Variants in CRB1 observed in about 807,000 individuals in gnomAD.
CRB1 encodes the protein protein crumbs homolog 1.
Under a neutral mutation model 120.0 loss-of-function variants are expected in CRB1, and 83 were observed. The ratio of observed to expected loss-of-function variants is 0.69; its 90% CI spans 0.58 to 0.83. The LOEUF is 0.83. Ranked by LOEUF, CRB1 falls within the 40% of genes least tolerant of loss-of-function variation. CRB1 has a pLI of 0.00. For synonymous variants in CRB1, 625 were observed against 612.5 expected (o/e 1.02, Z -0.30); for missense variants, 1,699 against 1,687.6 (o/e 1.01, Z -0.12).
At chr1:197,379,340 C>T (rs1661815546) in intron 5 of CRB1, among the ~76,000 whole-genome samples, 1 of 151,618 alleles carries the variant, frequency 6.6e-6, no homozygotes, top group Non-Finnish European at 1.5e-5. Context: ...CGCTTTGTCG[C>T]CCAGGCTGGA....
chr1:197,258,375 C>A, the CRB1 span, among the ~76,000 whole-genome samples: 1 of 152,116 alleles, frequency 6.6e-6, no homozygotes, highest in Non-Finnish European at 1.5e-5. Context: ...TTCTGCACAA[C>A]CCATCTTTTG....
chr1:197,354,021 A>T (rs1482109213), intron 4 of CRB1, among the ~76,000 whole-genome samples: 1 of 121,296 alleles, frequency 8.2e-6, no homozygotes, highest in Non-Finnish European at 1.8e-5. Flanking sequence ...ATGAAATGGT[A>T]AAAAAAAAAA....
At chr1:197,297,458 C>T (rs1359783390) in intron 1 of CRB1, among the ~76,000 whole-genome samples, 1 of 152,044 alleles carries the variant, frequency 6.6e-6, no homozygotes, top group African/African-American at 2.4e-5. Context: ...CTTCCATCAA[C>T]TTTCTAGCTG....
At chr1:197,457,472 A>C (rs933276815) in intron 11 of CRB1, among the ~76,000 whole-genome samples, 18 of 152,096 alleles carry the variant, frequency 1.2e-4, no homozygotes, top group Admixed American at 1.2e-3. Flanking sequence ...AATTAGCTAT[A>C]CTGCAAAAGC....
chr1:197,235,279 C>G, the CRB1 span, among the ~76,000 whole-genome samples: 1 of 152,076 alleles, frequency 6.6e-6, no homozygotes, highest in African/African-American at 2.4e-5. Flanking sequence ...CACTTGGGTC[C>G]CATTAATTAA....
At chr1:197,417,926 T>C (rs1664091069) in intron 5 of CRB1, among the ~76,000 whole-genome samples, 1 of 152,038 alleles carries the variant, frequency 6.6e-6, no homozygotes, top group Admixed American at 6.6e-5. Context: ...TATTCTAAAT[T>C]GCATTGAAAT....
At chr1:197,296,049 A>G (rs977614265) in intron 1 of CRB1, among the ~76,000 whole-genome samples, 8 of 152,112 alleles carry the variant, frequency 5.3e-5, no homozygotes, top group African/African-American at 1.9e-4. Context: ...TAAAAATATG[A>G]GCACTAGACT....
At chr1:197,227,679 C>T in the CRB1 span, among the ~76,000 whole-genome samples, 1,101 of 152,134 alleles carry the variant, frequency 7.2e-3, 12 homozygotes, top group African/African-American at 0.024. Context: ...ACAATTCTGG[C>T]GTCTGGGGGA....
At chr1:197,401,568 C>T (rs1663065295) in intron 5 of CRB1, among the ~76,000 whole-genome samples, 2 of 152,200 alleles carry the variant, frequency 1.3e-5, no homozygotes, top group South Asian at 4.1e-4. Flanking sequence ...AACAATTTGT[C>T]GTATTTTGTG....
At chr1:197,330,385 G>T (rs141515752) in intron 2 of CRB1, among the ~76,000 whole-genome samples, 3 of 152,236 alleles carry the variant, frequency 2.0e-5, no homozygotes, top group Admixed American at 6.5e-5. Flanking sequence ...GACCTATGCC[G>T]TAGTTCTGAA....
chr1:197,356,009 G>A (rs1329756448), intron 4 of CRB1, among the ~76,000 whole-genome samples: 3 of 152,198 alleles, frequency 2.0e-5, no homozygotes, highest in Admixed American at 1.3e-4. Flanking sequence ...TAAAACAAAG[G>A]TTAAACTGTA....
At chr1:197,280,266 T>C (rs1029019969) in intron 1 of CRB1, among the ~76,000 whole-genome samples, 1 of 151,806 alleles carries the variant, frequency 6.6e-6, no homozygotes, top group Non-Finnish European at 1.5e-5. Flanking sequence ...TTAATGTAAA[T>C]ATAATTGTTA....
At chr1:197,469,795 A>T (rs1666902980) in intron 11 of CRB1, among the ~76,000 whole-genome samples, 1 of 152,150 alleles carries the variant, frequency 6.6e-6, no homozygotes, top group Non-Finnish European at 1.5e-5. Context: ...TTTGTTTTTA[A>T]TCCTCACTAG....
intron 1 of CRB1, among the ~76,000 whole-genome samples, chr1:197,307,889 A>G (rs1657266342): frequency 6.6e-6 from 1 of 152,200 alleles, no homozygotes; most frequent in Admixed American, 6.5e-5. Context: ...CAAGTTACTT[A>G]AACTCTCTTT....
chr1:197,348,905 T>C (rs1179297026), intron 4 of CRB1, among the ~76,000 whole-genome samples: 1 of 97,348 alleles, frequency 1.0e-5, no homozygotes, highest in Non-Finnish European at 1.8e-5. Flanking sequence ...AAGGTTAGTT[T>C]TTAAGACAGA....
rs1658661600 is a variant in CRB1, at chr1:197,328,598, G to A, written c.247G>A (p.Ala83Thr). 1 of 1,614,212 alleles carries A rather than the reference G, an allele frequency of 6.2e-7. No individual in the cohort carries two copies. Among genetic ancestry groups the A allele is most frequent in the Non-Finnish European group, 8.5e-7 (1 of 1,180,026 alleles). ...CTTCTCCAATCCCTGTCAAGGAAGT[G>A]CCACTTGTGTGAACACCCCAGGAGA... Reference protein sequence around the residue: ...PCFSNPCQGSATCVNTPGERS... With the variant: ...PCFSNPCQGSTTCVNTPGERS... Residue 83 changes from alanine (A) to threonine (T), a missense_variant, in exon 2 of 12, where the codon GCC (alanine) becomes ACC (threonine). Ala to Thr is a moderately conservative substitution (Grantham distance 58). Transcript: ENST00000367400.
chr1:197,312,770 C>T (rs1467365555), intron 1 of CRB1, among the ~76,000 whole-genome samples: 1 of 152,132 alleles, frequency 6.6e-6, no homozygotes, highest in Non-Finnish European at 1.5e-5. Flanking sequence ...TGTAATATAT[C>T]AACTGCATTA....
intron 5 of CRB1, among the ~76,000 whole-genome samples, chr1:197,406,245 G>A (rs1663386928): frequency 6.6e-6 from 1 of 152,210 alleles, no homozygotes; most frequent in East Asian, 1.9e-4. Flanking sequence ...AAATTCTTCT[G>A]CCTTGGGATC....
At position 197,344,473 on chromosome 1, in the gene CRB1, A is replaced by G. The variant is rs772935041; in HGVS notation, c.845A>G (p.Asn282Ser). ...LHGGLCVDGENRYSCNCTGSG... is the reference protein window; with the variant it reads ...LHGGLCVDGESRYSCNCTGSG... ...GGAGGGCTGTGTGTGGATGGAGAAAACAGGTACATTTTCTCTGGCGTTGGG... is the reference window on the plus strand; with the variant it reads ...GGAGGGCTGTGTGTGGATGGAGAAAGCAGGTACATTTTCTCTGGCGTTGGG... Residue 282 changes from asparagine (N) to serine (S), a missense_variant, in exon 3 of 12, where the codon AAC (asparagine) becomes AGC (serine). Asn to Ser is a conservative substitution (Grantham distance 46). Transcript: ENST00000367400. The G allele has an allele frequency of 1.2e-6, 2 of 1,613,912 alleles. No individual in the cohort carries two copies. The highest frequency in any genetic ancestry group is 1.7e-6 in the Non-Finnish European group (2 of 1,179,856).
Sources: allele counts gnomAD v4.1 joint callset (sites outside exome capture counted in the v4.1 genomes callset), GRCh38; gene constraint gnomAD v4.1.1; transcripts MANE v1.5; gene names NCBI Gene and HGNC (gene_info 2026-07-23, HGNC 2026-07-21).